The following RDX variants were observed in gnomAD, a reference collection of about 807,000 sequenced individuals.
RDX encodes the protein deafness, autosomal recessive 24.
RDX carries 32 observed loss-of-function variants against 83.7 expected under a neutral mutation model. That is an observed-to-expected ratio of 0.38 (90% CI 0.29 to 0.51). RDX has a LOEUF of 0.51. RDX is among the 20% of genes least tolerant of loss of function. The pLI, the probability that RDX is intolerant of heterozygous loss-of-function variation, is 0.87. For synonymous variants in RDX, 229 were observed against 222.7 expected, an observed-to-expected ratio of 1.03 and a Z score of -0.25; for missense variants, 600 against 689.9, an observed-to-expected ratio of 0.87 and a Z score of 1.46.
intron 2 of RDX, 189 bp from the exon 3 acceptor site, chr11:110,272,808 G>A (rs147630728): frequency 3.4e-6 from 2 of 581,232 alleles, no homozygotes; most frequent in East Asian, 3.1e-5. Context: ...CATATACTGG[G>A]CACTAAGCTA....
downstream of RDX, among the ~76,000 whole-genome samples, chr11:110,228,230 A>G (rs1261300439): frequency 6.6e-6 from 1 of 152,102 alleles, no homozygotes; most frequent in African/African-American, 2.4e-5. Context: ...CCTAGTTACT[A>G]CCGTAGACTG....
intron 15 of RDX, among the ~76,000 whole-genome samples, chr11:110,198,925 TC>T (rs1226256388): frequency 1.3e-5 from 2 of 152,062 alleles, no homozygotes; most frequent in Non-Finnish European, 2.9e-5. Flanking sequence ...AAGCAATTCT[TC>T]TGCCTTAGCC....
intron 15 of RDX, among the ~76,000 whole-genome samples, chr11:110,198,484 G>T (rs770268250): frequency 6.6e-6 from 1 of 152,230 alleles, no homozygotes; most frequent in Non-Finnish European, 1.5e-5. Context: ...GAACTGGGTG[G>T]CATAGCAAAA....
At chr11:110,207,310 T>G (rs919908712) in intron 14 of RDX, among the ~76,000 whole-genome samples, 5 of 152,160 alleles carry the variant, frequency 3.3e-5, no homozygotes, top group Non-Finnish European at 7.4e-5. Context: ...ATAGATCTAC[T>G]GAATGTGAAA....
intron 14 of RDX, among the ~76,000 whole-genome samples, chr11:110,218,928 T>C (rs960972396): frequency 1.3e-5 from 2 of 152,184 alleles, no homozygotes; most frequent in Non-Finnish European, 2.9e-5. Flanking sequence ...CAGGCACTGC[T>C]CTAGGCCCTG....
intron 15 of RDX, among the ~76,000 whole-genome samples, chr11:110,182,420 G>A (rs979398283): frequency 6.6e-6 from 1 of 152,190 alleles, no homozygotes; most frequent in African/African-American, 2.4e-5. Flanking sequence ...GGGCAACATG[G>A]CAAAACCCCG....
intron 9 of RDX, among the ~76,000 whole-genome samples, chr11:110,252,319 G>A (rs1464819586): frequency 1.3e-5 from 2 of 152,044 alleles, no homozygotes; most frequent in Non-Finnish European, 2.9e-5. Context: ...ATTACCAAAT[G>A]ATACTAAGTA....
chr11:110,255,318 C>T lies in RDX; in HGVS notation c.766G>A (p.Val256Ile). 1 of 1,588,786 alleles carries T rather than the reference C, an allele frequency of 6.3e-7. No homozygotes were observed. Among genetic ancestry groups the T allele is most frequent in the Non-Finnish European group, 8.6e-7 (1 of 1,157,666 alleles). ...GCCTTTTTGTCGATTGGCTTTATAACAAATTTTTTGTCATTAAATGAAATA... is the reference window on the plus strand; with the variant it reads ...GCCTTTTTGTCGATTGGCTTTATAATAAATTTTTTGTCATTAAATGAAATA... Reference protein sequence around the residue: ...RNISFNDKKFVIKPIDKKAPD... With the variant: ...RNISFNDKKFIIKPIDKKAPD... The change falls in exon 8 of 14, where the codon GTT becomes ATT. Residue 256 changes from valine (V) to isoleucine (I), a missense_variant. Physicochemically the swap from Val to Ile is conservative, Grantham distance 29 (BLOSUM62 3). Transcript: ENST00000645495.
chr11:110,242,799 C>T (rs1865152648), intron 10 of RDX, among the ~76,000 whole-genome samples: 1 of 152,056 alleles, frequency 6.6e-6, no homozygotes, highest in Non-Finnish European at 1.5e-5. Context: ...GCTGTTTCCT[C>T]TCCAATTAAC....
At chr11:110,200,293 G>A (rs1183155319) in intron 14 of RDX, 1 of 152,650 alleles carries the variant, frequency 6.6e-6, no homozygotes, top group Non-Finnish European at 1.5e-5. Flanking sequence ...CTGCAGACAC[G>A]TTGGCATTGC....
In RDX at chr11:110,231,973, G is replaced by T. The variant is rs200726776; in HGVS notation, c.1648C>A (p.Leu550Ile). The change falls in exon 14 of 14, where the codon CTT (leucine) becomes ATT (isoleucine). Residue 550 changes from leucine to isoleucine, a missense_variant. Coordinates refer to ENST00000645495, the MANE Select transcript of RDX (RefSeq NM_002906.4). ...DETKKTQNDVLHAENVKAGRD... is the reference protein window; with the variant it reads ...DETKKTQNDVIHAENVKAGRD... Reference sequence around the variant, plus strand: ...CCTGCTTTAACATTCTCAGCATGAAGAACATCATTTTGTGTTTTCTTGGTT... The same window carrying T: ...CCTGCTTTAACATTCTCAGCATGAATAACATCATTTTGTGTTTTCTTGGTT... 6.2e-6 allele frequency: 10 copies of T among 1,613,984 alleles called. 1 individual carries two copies. In the East Asian group the frequency reaches 2.0e-4, roughly 32 times the overall value.
intron 1 of RDX, among the ~76,000 whole-genome samples, chr11:110,281,668 C>G (rs1420286783): frequency 6.6e-6 from 1 of 151,574 alleles, no homozygotes; most frequent in African/African-American, 2.4e-5. Context: ...TAATTCTTAT[C>G]ATTTCCTAGC....
intron 3 of RDX, among the ~76,000 whole-genome samples, chr11:110,265,239 C>T (rs1420016766): frequency 4.0e-5 from 6 of 151,638 alleles, no homozygotes; most frequent in Admixed American, 1.3e-4. Context: ...TACAGGTATG[C>T]ACTACCACGC....
In RDX at chr11:110,266,815, T is replaced by G. The variant is rs181516171; in HGVS notation, c.97-1941A>C. Among the ~76,000 whole-genome samples, 11 of 152,284 alleles carry G rather than the reference T, an allele frequency of 7.2e-5. No homozygotes were observed. The East Asian group carries it at 1.7e-3, about 24-fold the overall frequency. ...GTCGCCAAGGCTAATCTTAAACTCC[T>G]GGCCTCAAGTGATCCTCCCACTTCA... On this transcript the variant is annotated intron_variant, in intron 3 of 13. Coordinates refer to ENST00000645495, the MANE Select transcript of RDX (RefSeq NM_002906.4).
intron 9 of RDX, among the ~76,000 whole-genome samples, chr11:110,250,376 C>A (rs191216088): frequency 3.5e-4 from 53 of 152,330 alleles, no homozygotes; most frequent in Admixed American, 2.6e-3. Context: ...CACTCCCCAG[C>A]CTCTATGCAA....
intron 1 of RDX, among the ~76,000 whole-genome samples, chr11:110,289,968 A>AAAAAC (rs1861158578): frequency 6.8e-6 from 1 of 147,250 alleles, no homozygotes; most frequent in Non-Finnish European, 1.5e-5. Context: ...AAAAAAAAAA[A>AAAAAC]AAAAAAAAAA....
At position 110,237,563 on chromosome 11, in the gene RDX, G is replaced by C; in HGVS notation, c.1180C>G (p.Arg394Gly). 6.2e-7 allele frequency: 1 copy of C among 1,613,882 alleles called. No individual in the cohort carries two copies. The highest frequency in any genetic ancestry group is 8.5e-7 in the Non-Finnish European group (1 of 1,180,022). ...GCAGACTTTGCCTCTTCAGCAGCTC[G>C]ACGCTCCTTTTCAAGTCGTTCTGCT... is the stretch of plus-strand genomic sequence containing the variant. ...EEAERLEKER[R>G]AAEEAKSAIA... Residue 394 changes from arginine (R) to glycine (G), a missense_variant, in exon 11 of 14, where the codon CGA (arginine) becomes GGA (glycine). Transcript: ENST00000645495.
chr11:110,265,376 G>A (rs1432394599), intron 3 of RDX, among the ~76,000 whole-genome samples: 1 of 151,948 alleles, frequency 6.6e-6, no homozygotes, highest in Non-Finnish European at 1.5e-5. Context: ...ATAGGCGTAA[G>A]CCACTGCACC....
chr11:110,264,031 G>C lies in RDX; in HGVS notation c.396C>G (p.Ala132=). 6.2e-7 allele frequency: 1 copy of C among 1,613,454 alleles called. No individual in the cohort carries two copies. Among genetic ancestry groups the C allele is most frequent in the Non-Finnish European group, 8.5e-7 (1 of 1,179,524 alleles). Residue 132 remains alanine, a synonymous_variant, in exon 5 of 14, where the codon GCC becomes GCG. Transcript: ENST00000645495. ...TCTCTTTATTGTAATCTCCATACTT[G>C]GCTTGGACAGCATAGGAAGCCAAAA... ...AVLLASYAVQ[A]KYGDYNKEIH...
Sources: allele counts gnomAD v4.1 joint callset (sites outside exome capture counted in the v4.1 genomes callset), GRCh38; gene constraint gnomAD v4.1.1; transcripts MANE v1.5; gene names NCBI Gene and HGNC (gene_info 2026-07-23, HGNC 2026-07-21).